IMPA2: variants seen among roughly 807,000 people sequenced by gnomAD.
The protein encoded by IMPA2 is IMP 2.
In IMPA2, 32 loss-of-function variants were observed where a neutral mutation model predicts 35.1. The ratio of observed to expected loss-of-function variants is 0.91; its 90% CI spans 0.69 to 1.23. The LOEUF (loss-of-function observed/expected upper bound fraction) is 1.23. Ranked by LOEUF, IMPA2 falls within the 50% of genes most tolerant of loss-of-function variation. The pLI, the probability that IMPA2 is intolerant of heterozygous loss-of-function variation, is 0.00. For synonymous variants in IMPA2, 135 were observed against 160.6 expected, an observed-to-expected ratio of 0.84 and a Z score of 1.20; for missense variants, 334 against 387.6, an observed-to-expected ratio of 0.86 and a Z score of 1.16.
intron 4 of IMPA2, among the ~76,000 whole-genome samples, chr18:12,013,124 T>C (rs1907478548): frequency 6.6e-6 from 1 of 152,200 alleles, no homozygotes; most frequent in Non-Finnish European, 1.5e-5. Context: ...AAGGGGCTGC[T>C]GGAACAGCTG....
At chr18:11,990,825 C>G (rs1906791855) in intron 1 of IMPA2, among the ~76,000 whole-genome samples, 1 of 152,216 alleles carries the variant, frequency 6.6e-6, no homozygotes, top group African/African-American at 2.4e-5. Context: ...GGAACCCCTT[C>G]CCTATACCTT....
chr18:12,013,253 C>T (rs142479803), intron 4 of IMPA2, among the ~76,000 whole-genome samples: 166 of 152,298 alleles, frequency 1.1e-3, no homozygotes, highest in South Asian at 9.1e-3. Context: ...GGACATTCCT[C>T]TGCACTCTGG....
intron 2 of IMPA2, among the ~76,000 whole-genome samples, chr18:11,999,573 C>T (rs1907060245): frequency 1.3e-5 from 2 of 152,372 alleles, no homozygotes; most frequent in South Asian, 4.1e-4. Context: ...TATGCCTGTT[C>T]AGCTGCCTGG....
At chr18:11,985,721 G>A (rs1906646855) in intron 1 of IMPA2, among the ~76,000 whole-genome samples, 2 of 152,180 alleles carry the variant, frequency 1.3e-5, no homozygotes, top group African/African-American at 4.8e-5. Flanking sequence ...ATGCCAGGTG[G>A]GTCGGCGTGA....
intron 7 of IMPA2, 111 bp downstream of exon 7, chr18:12,029,104 T>TTA: frequency 4.9e-6 from 4 of 815,030 alleles, no homozygotes; most frequent in Non-Finnish European, 7.1e-6. Flanking sequence ...TCCCCAGAGT[T>TTA]TCTGTTTTTT....
chr18:11,994,006 C>T (rs574668941), intron 1 of IMPA2: 1 of 152,206 alleles, frequency 6.6e-6, no homozygotes, highest in East Asian at 1.9e-4. Flanking sequence ...TTCCTTATGA[C>T]ACACTCACAA....
chr18:11,989,565 C>T (rs1489170561), intron 1 of IMPA2, among the ~76,000 whole-genome samples: 1 of 152,172 alleles, frequency 6.6e-6, no homozygotes, highest in East Asian at 1.9e-4. Context: ...GCCCACTGCT[C>T]CTGACCCTAT....
intron 2 of IMPA2, among the ~76,000 whole-genome samples, chr18:12,000,518 T>C (rs1297881574): frequency 1.3e-5 from 2 of 151,996 alleles, no homozygotes; most frequent in African/African-American, 4.8e-5. Flanking sequence ...TGACAACCTT[T>C]GAGTTTAAGC....
intron 7 of IMPA2, 113 bp downstream of exon 7, chr18:12,029,106 CTGT>C: frequency 1.2e-4 from 44 of 357,964 alleles, no homozygotes; most frequent in South Asian, 2.7e-4. Context: ...CCCAGAGTTT[CTGT>C]TTTTTTTTTT....
intron 1 of IMPA2, among the ~76,000 whole-genome samples, chr18:11,989,760 G>A (rs768958640): frequency 5.3e-5 from 8 of 152,264 alleles, no homozygotes; most frequent in Non-Finnish European, 1.0e-4. Context: ...CATCCCCACG[G>A]GGAGAGTGAG....
chr18:12,015,510 C>T (rs1037433785), intron 5 of IMPA2, among the ~76,000 whole-genome samples: 1 of 151,216 alleles, frequency 6.6e-6, no homozygotes, highest in Admixed American at 6.6e-5. Flanking sequence ...GATGAGGTGT[C>T]AGGAGAGGGC....
At chr18:11,996,905 GAC>G (rs1422897132) in intron 1 of IMPA2, among the ~76,000 whole-genome samples, 1 of 150,894 alleles carries the variant, frequency 6.6e-6, no homozygotes, top group Non-Finnish European at 1.5e-5. Context: ...TACACACAGA[GAC>G]ACACATACCC....
intron 6 of IMPA2, 107 bp downstream of exon 6, chr18:12,028,258 AGT>A (rs2143829159): frequency 2.8e-6 from 2 of 726,246 alleles, no homozygotes; most frequent in Non-Finnish European, 4.8e-6. Context: ...ACGTGGAAAG[AGT>A]GGGAGGGGCA....
chr18:12,026,774 G>A (rs1907891734), intron 5 of IMPA2, among the ~76,000 whole-genome samples: 1 of 152,182 alleles, frequency 6.6e-6, no homozygotes, highest in Non-Finnish European at 1.5e-5. Context: ...CCCAGCTGTG[G>A]GTGGCAGCTG....
intron 1 of IMPA2, among the ~76,000 whole-genome samples, chr18:11,982,898 G>A (rs549186124): frequency 6.6e-6 from 1 of 152,114 alleles, no homozygotes; most frequent in Admixed American, 6.5e-5. Flanking sequence ...CTTTTTTGAG[G>A]TCTGACAGTC....
chr18:11,982,343 G>T (rs957543734), intron 1 of IMPA2, among the ~76,000 whole-genome samples: 1 of 152,232 alleles, frequency 6.6e-6, no homozygotes, highest in Non-Finnish European at 1.5e-5. Flanking sequence ...GTTTAAAATG[G>T]AGTGCAGTTC....
chr18:12,014,925 A>G (rs997686579), intron 5 of IMPA2, among the ~76,000 whole-genome samples: 14 of 152,302 alleles, frequency 9.2e-5, no homozygotes, highest in Admixed American at 6.5e-4. Flanking sequence ...GCTCTGAGAG[A>G]GGGGTTCCCA....
At chr18:12,025,020 C>T (rs1417999158) in intron 5 of IMPA2, among the ~76,000 whole-genome samples, 2 of 152,156 alleles carry the variant, frequency 1.3e-5, no homozygotes, top group East Asian at 3.9e-4. Flanking sequence ...GCCCTAAAAA[C>T]CCCCCATGCT....
At chr18:12,011,058 G>A (rs1328246327) in intron 3 of IMPA2, among the ~76,000 whole-genome samples, 1 of 152,124 alleles carries the variant, frequency 6.6e-6, no homozygotes, top group African/African-American at 2.4e-5. Context: ...CCTGCTCGTG[G>A]TTCCAGGGTG....
Sources: gnomAD v4.1 joint callset for allele counts (sites outside exome capture counted in the v4.1 genomes callset) on GRCh38, gnomAD v4.1.1 for gene constraint, MANE v1.5 for transcripts, NCBI Gene and HGNC (gene_info 2026-07-23, HGNC 2026-07-21) for gene names.